The following SIM1 variants were observed in gnomAD, a reference collection of about 807,000 sequenced individuals.
SIM1 encodes single-minded homolog 1.
Under a neutral mutation model 78.2 loss-of-function variants are expected in SIM1, and 18 were observed. The ratio of observed to expected loss-of-function variants is 0.23; its 90% CI spans 0.16 to 0.34. The LOEUF (loss-of-function observed/expected upper bound fraction) is 0.34. Ranked by LOEUF, SIM1 falls within the 10% of genes least tolerant of loss-of-function variation. The probability of loss-of-function intolerance (pLI) is 1.00; values close to 1 mark genes in which losing one functional copy is unlikely to be tolerated. For missense variants in SIM1, 939 were observed against 975.1 expected (o/e 0.96, Z 0.49); for synonymous variants, 417 against 385.2 (o/e 1.08, Z -0.97).
intron 9 of SIM1, among the ~76,000 whole-genome samples, chr6:100,441,529 T>C (rs1416533862): frequency 2.0e-5 from 3 of 152,212 alleles, no homozygotes; most frequent in African/African-American, 7.2e-5. Context: ...GACATTTCGG[T>C]TAACTCTTTT....
At chr6:100,394,687 G>A (rs1278223979) in intron 10 of SIM1, among the ~76,000 whole-genome samples, 1 of 152,124 alleles carries the variant, frequency 6.6e-6, no homozygotes, top group Non-Finnish European at 1.5e-5. Flanking sequence ...TTACAGGTAT[G>A]AGCCACAACA....
chr6:100,419,205 C>T (rs550358058), intron 10 of SIM1, among the ~76,000 whole-genome samples: 3 of 152,104 alleles, frequency 2.0e-5, no homozygotes, highest in Admixed American at 6.5e-5. Flanking sequence ...TCTGCAGTGA[C>T]TTTGACTAAA....
At position 100,448,539 on chromosome 6, in the gene SIM1, T is replaced by A; in HGVS notation, c.683A>T (p.His228Leu). 6.2e-7 allele frequency: 1 copy of A among 1,614,120 alleles called. No individual in the cohort carries two copies. Among genetic ancestry groups the A allele is most frequent in the Non-Finnish European group, 8.5e-7 (1 of 1,180,024 alleles). The change falls in exon 7 of 12, where the codon CAC (histidine) becomes CTC (leucine). Residue 228 changes from histidine to leucine, a missense_variant. Physicochemically the swap from His to Leu is moderately conservative, Grantham distance 99. Transcript: ENST00000369208. ...GGCGCGGAACATAAACATATTGCTG[T>A]GTAGCTTGATCTCCGTGACGGCGCT... ...PPSAVTEIKL[H>L]SNMFMFRASL... is the part of the protein sequence containing the mutation.
intron 11 of SIM1, 102 bp from the exon 12 acceptor site, chr6:100,391,193 T>C: frequency 8.0e-7 from 1 of 1,249,866 alleles, no homozygotes; most frequent in Non-Finnish European, 1.1e-6. Flanking sequence ...CTTTCATTTT[T>C]AATATATGCA....
In SIM1 at chr6:100,420,782, G is replaced by A; in HGVS notation, c.1167+8C>T. On this transcript the variant is annotated splice_region_variant and intron_variant, in intron 10 of 11. Transcript: ENST00000369208. Reference sequence around the variant, plus strand: ...AAAAAGAAAGTTGCAAAACAGCAATGCACTTACCTGAGGGTATGGGGAAGT... The same window carrying A: ...AAAAAGAAAGTTGCAAAACAGCAATACACTTACCTGAGGGTATGGGGAAGT... 6.2e-7 allele frequency: 1 copy of A among 1,613,892 alleles called. No individual in the cohort carries two copies. Among genetic ancestry groups the A allele is most frequent in the Non-Finnish European group, 8.5e-7 (1 of 1,179,786 alleles).
intron 2 of SIM1, among the ~76,000 whole-genome samples, chr6:100,456,120 T>A (rs1405274627): frequency 6.6e-6 from 1 of 151,006 alleles, no homozygotes; most frequent in Non-Finnish European, 1.5e-5. Context: ...CCCGTAGAAA[T>A]CTTACGATTG....
intron 10 of SIM1, among the ~76,000 whole-genome samples, chr6:100,414,657 T>A (rs1051574274): frequency 1.3e-5 from 2 of 152,220 alleles, no homozygotes; most frequent in Non-Finnish European, 2.9e-5. Flanking sequence ...TTGTTAATGG[T>A]CAAGGATTAC....
rs557684265 is a variant in SIM1 at position 100,415,912 on chromosome 6, C to T, written c.1167+4878G>A. Reference sequence around the variant, plus strand: ...CCAAACTTTACCCTCATACAATGGGCCCCAGTAAAACAGGGGGCCTTAATA... The same window carrying T: ...CCAAACTTTACCCTCATACAATGGGTCCCAGTAAAACAGGGGGCCTTAATA... On this transcript the variant is annotated intron_variant, in intron 10 of 11. Coordinates refer to ENST00000369208, the MANE Select transcript of SIM1 (RefSeq NM_005068.3). 2.9e-4 allele frequency among the ~76,000 whole-genome samples: 44 copies of T among 152,066 alleles called. No homozygotes were observed. In the South Asian group the frequency reaches 8.3e-3, roughly 29 times the overall value.
intron 2 of SIM1, 172 bp downstream of exon 2, chr6:100,463,122 C>T: frequency 1.8e-6 from 1 of 549,092 alleles, no homozygotes; most frequent in Non-Finnish European, 3.2e-6. Context: ...AAAAAAGCGA[C>T]AGAAATTCTG....
At chr6:100,412,547 AAAGAAAG>A (rs1771219716) in intron 10 of SIM1, among the ~76,000 whole-genome samples, 1 of 74,550 alleles carries the variant, frequency 1.3e-5, no homozygotes, top group South Asian at 4.8e-4. Flanking sequence ...AGAAAGAAAG[AAAGAAAG>A]AAAAGAAAGA....
rs1772911878 is a variant in SIM1, at chr6:100,463,644, G to A, written c.-176C>T. 3 of 570,092 alleles carry A rather than the reference G, an allele frequency of 5.3e-6. No homozygotes were observed. The highest frequency in any genetic ancestry group is 9.2e-6 in the Non-Finnish European group (3 of 327,168). The allele number at this position is 570,092 out of a possible 1,614,324, so 35.3% of individuals were successfully genotyped here. Reference sequence around the variant, plus strand: ...TTGATGGCAGTAAAAGACCAGCGGGGGTGAACGGAAAATATGTTCTTTGAA... The same window carrying A: ...TTGATGGCAGTAAAAGACCAGCGGGAGTGAACGGAAAATATGTTCTTTGAA... On this transcript the variant is annotated 5_prime_UTR_variant, in exon 2 of 12. Coordinates refer to ENST00000369208, the MANE Select transcript of SIM1 (RefSeq NM_005068.3).
chr6:100,396,946 G>C (rs187446644), intron 10 of SIM1, among the ~76,000 whole-genome samples: 4 of 152,260 alleles, frequency 2.6e-5, no homozygotes, highest in Admixed American at 6.5e-5. Context: ...TTGTCTTTCA[G>C]CTCTAATACT....
intron 2 of SIM1, among the ~76,000 whole-genome samples, chr6:100,454,484 T>C (rs1358482264): frequency 6.6e-6 from 1 of 152,190 alleles, no homozygotes; most frequent in Non-Finnish European, 1.5e-5. Context: ...CCTAGCCCTC[T>C]GCCTTACACA....
intron 2 of SIM1, among the ~76,000 whole-genome samples, chr6:100,461,186 T>A (rs977624634): frequency 6.6e-6 from 1 of 152,218 alleles, no homozygotes; most frequent in African/African-American, 2.4e-5. Context: ...ATTGGCGCTC[T>A]CTTTAAAAAT....
intron 10 of SIM1, among the ~76,000 whole-genome samples, chr6:100,396,254 T>C (rs979406481): frequency 6.6e-6 from 1 of 152,042 alleles, no homozygotes; most frequent in East Asian, 2.0e-4. Context: ...CCATCAGTGT[T>C]ATTCCAAGCT....
chr6:100,451,299 G>A (rs1772507296), intron 3 of SIM1, among the ~76,000 whole-genome samples: 1 of 152,208 alleles, frequency 6.6e-6, no homozygotes, highest in South Asian at 2.1e-4. Flanking sequence ...GAGAGAAAGA[G>A]CATTCTAGGC....
At chr6:100,428,788 A>G (rs892079065) in intron 9 of SIM1, among the ~76,000 whole-genome samples, 2 of 152,112 alleles carry the variant, frequency 1.3e-5, no homozygotes, top group African/African-American at 4.8e-5. Flanking sequence ...ACTTTATTAT[A>G]TACCTATAAT....
intron 10 of SIM1, among the ~76,000 whole-genome samples, chr6:100,406,761 C>T (rs151053149): frequency 2.0e-5 from 3 of 152,262 alleles, no homozygotes; most frequent in East Asian, 3.9e-4. Context: ...TGTACGTATA[C>T]ATTGTGCAAT....
At chr6:100,391,142 AATAAGT>A in intron 11 of SIM1, 51 bp from the exon 12 acceptor site, 1 of 1,517,880 alleles carries the variant, frequency 6.6e-7, no homozygotes, top group South Asian at 1.3e-5. Context: ...TCACCCTCAA[AATAAGT>A]ATATTTCCTT....
Sources: gnomAD v4.1 joint callset for allele counts (sites outside exome capture counted in the v4.1 genomes callset) on GRCh38, gnomAD v4.1.1 for gene constraint, MANE v1.5 for transcripts, NCBI Gene and HGNC (gene_info 2026-07-23, HGNC 2026-07-21) for gene names.